The following DENND5A variants were observed in gnomAD, a reference collection of about 807,000 sequenced individuals.
DENND5A encodes DENN domain-containing protein 5A.
DENND5A carries 64 observed loss-of-function variants against 140.3 expected under a neutral mutation model. That is an observed-to-expected ratio of 0.46 (90% CI 0.37 to 0.56). The LOEUF (loss-of-function observed/expected upper bound fraction) is 0.56, where lower values mean the gene tolerates loss of function less well. Among genes scored for constraint, DENND5A ranks in the 20% least tolerant of loss-of-function variants. DENND5A has a pLI of 0.00. For missense variants in DENND5A, 1,292 were observed against 1,593.8 expected (o/e 0.81, Z 3.22); for synonymous variants, 605 against 607.7 (o/e 1.00, Z 0.07).
At position 9,237,777 on chromosome 11, in the gene DENND5A, G is replaced by A. The variant is rs192597651; in HGVS notation, c.109+27184C>T. Among the ~76,000 whole-genome samples the A allele has an allele frequency of 4.1e-3, 631 of 152,104 alleles. 9 individuals are homozygous for A. The highest frequency in any genetic ancestry group is 3.5e-3 in the Non-Finnish European group (240 of 68,000). ...AAGCACCTGTAGCCCCAGCTACTAG[G>A]GAGGCTTAGGCAGTAGAATCGCTTG... On this transcript the variant is annotated intron_variant, in intron 1 of 22. Transcript: ENST00000328194.
intron 1 of DENND5A, among the ~76,000 whole-genome samples, chr11:9,256,134 T>C (rs1253858476): frequency 6.6e-6 from 1 of 151,100 alleles, no homozygotes; most frequent in Non-Finnish European, 1.5e-5. Flanking sequence ...AAAAAAGAAG[T>C]GTACACAAAT....
intron 1 of DENND5A, among the ~76,000 whole-genome samples, chr11:9,230,925 C>T (rs1269778999): frequency 3.9e-5 from 6 of 152,058 alleles, no homozygotes; most frequent in Non-Finnish European, 8.8e-5. Context: ...GAGGTCTAGA[C>T]TGCAGTGAGC....
chr11:9,150,756 G>A lies in DENND5A; in HGVS notation c.2530C>T (p.Leu844Phe). 1 of 1,611,630 alleles carries A rather than the reference G, an allele frequency of 6.2e-7. No individual in the cohort carries two copies. The highest frequency in any genetic ancestry group is 1.1e-5 in the South Asian group (1 of 90,962). ...TCAGACTTCCTACGTTCTGAATCAA[G>A]AAGTATTCCTAGAATAAACAAGTTG... ...SGSLSTSGIL[L>F]DSERRKSDAS... is the part of the protein sequence containing the mutation. The change falls in exon 14 of 23, where the codon CTT becomes TTT. Residue 844 changes from leucine to phenylalanine, a missense_variant. Leu to Phe is a conservative substitution (Grantham distance 22, BLOSUM62 0). Transcript: ENST00000328194.
Position 9,144,169 on chromosome 11 carries a change from G to A in DENND5A, c.3232C>T (p.Arg1078Trp), listed in dbSNP as rs570394748. The change falls in exon 19 of 23, where the codon CGG becomes TGG. Residue 1078 changes from arginine (R) to tryptophan (W), a missense_variant. Around this residue, in one of 4 missense-constraint regions of DENND5A, gnomAD observed 498 missense variants for 689.7 expected, o/e 0.72. Transcript: ENST00000328194. Reference sequence around the variant, plus strand: ...GGGGACTGCTGCAGCGGCGGGGTCCGGCATGGCCTCTCATCCACCTCAGGC... The same window carrying A: ...GGGGACTGCTGCAGCGGCGGGGTCCAGCATGGCCTCTCATCCACCTCAGGC... ...SQPEVDERPC[R>W]TPPLQQSPSV... is the part of the protein sequence containing the mutation. 61 of 1,614,106 alleles carry A rather than the reference G, an allele frequency of 3.8e-5. No individual in the cohort carries two copies. In the East Asian group the frequency reaches 8.0e-4, roughly 21 times the overall value.
At chr11:9,170,973 G>T in intron 8 of DENND5A, 196 bp from the exon 9 acceptor site, 1 of 939,364 alleles carries the variant, frequency 1.1e-6, no homozygotes, top group Non-Finnish European at 1.5e-6. Context: ...CAGAATACTG[G>T]ACATCAGGCA....
At chr11:9,178,736 T>C (rs1848628146) in intron 7 of DENND5A, 122 bp downstream of exon 7, 2 of 814,788 alleles carry the variant, frequency 2.5e-6, no homozygotes, top group Non-Finnish European at 3.9e-6. Flanking sequence ...AAATGGACCA[T>C]AAACTTGTTT....
chr11:9,212,046 C>T (rs1849901871), intron 1 of DENND5A, among the ~76,000 whole-genome samples: 1 of 149,952 alleles, frequency 6.7e-6, no homozygotes, highest in South Asian at 2.1e-4. Context: ...AAATGAACAA[C>T]AAAAATTATC....
chr11:9,257,895 C>T lies in DENND5A; in HGVS notation c.109+7066G>A, dbSNP rs555910657. On this transcript the variant is annotated intron_variant, in intron 1 of 22. Coordinates refer to ENST00000328194, the MANE Select transcript of DENND5A (RefSeq NM_015213.4). ...GCAGCCTCCGCCTCCCAGATTCAAG[C>T]GATTCTCTCGCCTCAGCCTCCCGAG... Among the ~76,000 whole-genome samples the T allele has an allele frequency of 2.6e-5, 4 of 151,846 alleles. No individual in the cohort carries two copies. The South Asian group carries it at 6.3e-4, about 24-fold the overall frequency.
intron 5 of DENND5A, among the ~76,000 whole-genome samples, chr11:9,183,879 A>G (rs1382800317): frequency 6.6e-6 from 1 of 152,124 alleles, no homozygotes; most frequent in Non-Finnish European, 1.5e-5. Context: ...TATATTGATC[A>G]GTTTTCCTGT....
chr11:9,248,535 G>A (rs528240732), intron 1 of DENND5A, among the ~76,000 whole-genome samples: 25 of 152,122 alleles, frequency 1.6e-4, no homozygotes, highest in Non-Finnish European at 3.2e-4. Flanking sequence ...TGTGTCTGTG[G>A]TCGCAGCTAC....
intron 1 of DENND5A, among the ~76,000 whole-genome samples, chr11:9,234,703 C>T (rs932756927): frequency 4.6e-5 from 7 of 152,216 alleles, no homozygotes; most frequent in Non-Finnish European, 1.0e-4. Flanking sequence ...AAACCACAAA[C>T]AATAGCATGA....
At chr11:9,175,569 A>ATAAGCTACAGTAATCATTTAATG (rs1848521634) in intron 8 of DENND5A, 1 of 152,252 alleles carries the variant, frequency 6.6e-6, no homozygotes, top group African/African-American at 2.4e-5. Flanking sequence ...AAGATTTAAT[A>ATAAGCTACAGTAATCATTTAATG]TAAGCTACAG....
chr11:9,148,630 A>G (rs1358659226), intron 15 of DENND5A, among the ~76,000 whole-genome samples: 2 of 152,208 alleles, frequency 1.3e-5, no homozygotes, highest in African/African-American at 4.8e-5. Flanking sequence ...ACTGACTCCA[A>G]ATTTTCAGTG....
chr11:9,207,557 T>C lies in DENND5A; in HGVS notation c.181+4A>G. ...GGGTGTTCTCAATTTTGTTTTGTTTTTACCTTCAGTCGTACTTGAAATGAA... is the reference window on the plus strand; with the variant it reads ...GGGTGTTCTCAATTTTGTTTTGTTTCTACCTTCAGTCGTACTTGAAATGAA... On this transcript the variant is annotated splice_donor_region_variant and intron_variant, in intron 2 of 22. Coordinates refer to ENST00000328194, the MANE Select transcript of DENND5A (RefSeq NM_015213.4). 1 of 1,611,644 alleles carries C rather than the reference T, an allele frequency of 6.2e-7. No individual in the cohort carries two copies. The highest frequency in any genetic ancestry group is 8.5e-7 in the Non-Finnish European group (1 of 1,178,052).
At position 9,144,745 on chromosome 11, in the gene DENND5A, C is replaced by T. The variant is rs563966345; in HGVS notation, c.3122+250G>A. On this transcript the variant is annotated intron_variant, in intron 18 of 22. Transcript: ENST00000328194. The stretch of plus-strand genomic sequence containing the variant: ...CACAGGCTGCAGTGAGCCAAGATCA[C>T]GCCACTGCACTCCAGCCTAGGTGAC... Among the ~76,000 whole-genome samples the T allele has an allele frequency of 7.3e-5, 11 of 151,094 alleles. No homozygotes were observed. In the South Asian group the frequency reaches 1.0e-3, roughly 14 times the overall value.
At chr11:9,222,405 A>C (rs1183135466) in intron 1 of DENND5A, among the ~76,000 whole-genome samples, 1 of 152,208 alleles carries the variant, frequency 6.6e-6, no homozygotes, top group Non-Finnish European at 1.5e-5. Context: ...TCTTTAGTTT[A>C]TTCATAAATG....
chr11:9,160,702 A>G lies in DENND5A; in HGVS notation c.2436+11T>C, dbSNP rs771828618. 1 of 1,604,586 alleles carries G rather than the reference A, an allele frequency of 6.2e-7. No individual in the cohort carries two copies. The highest frequency in any genetic ancestry group is 8.5e-7 in the Non-Finnish European group (1 of 1,172,632). On this transcript the variant is annotated intron_variant, in intron 12 of 22. Coordinates refer to ENST00000328194, the MANE Select transcript of DENND5A (RefSeq NM_015213.4). Reference sequence around the variant, plus strand: ...AATTTGCTCAGCAATGAGAGGCAAGACATACATTACCTGTTTCACTTGTAG... The same window carrying G: ...AATTTGCTCAGCAATGAGAGGCAAGGCATACATTACCTGTTTCACTTGTAG...
intron 1 of DENND5A, among the ~76,000 whole-genome samples, chr11:9,249,989 A>G (rs1413192362): frequency 6.6e-6 from 1 of 151,648 alleles, no homozygotes; most frequent in African/African-American, 2.4e-5. Flanking sequence ...ACCTGGCCCA[A>G]TTATTCTTTC....
intron 16 of DENND5A, among the ~76,000 whole-genome samples, chr11:9,146,491 T>A (rs1847434714): frequency 6.6e-6 from 1 of 152,154 alleles, no homozygotes; most frequent in Non-Finnish European, 1.5e-5. Flanking sequence ...CTTCTGTAAA[T>A]AGAGAGACTG....
Sources: allele counts gnomAD v4.1 joint callset (sites outside exome capture counted in the v4.1 genomes callset), GRCh38; gene constraint gnomAD v4.1.1; regional missense constraint gnomAD v4.1.1; transcripts MANE v1.5; gene names NCBI Gene and HGNC (gene_info 2026-07-23, HGNC 2026-07-21).